The following PCDH19 variants were observed in gnomAD, a reference collection of about 807,000 sequenced individuals.
PCDH19 encodes protocadherin 19, also known as protocadherin-19.
In PCDH19, 6 loss-of-function variants were observed where a neutral mutation model predicts 46.2. That is an observed-to-expected ratio of 0.13 (90% CI 0.07 to 0.26). The LOEUF (loss-of-function observed/expected upper bound fraction) is 0.26. Ranked by LOEUF, PCDH19 falls within the 10% of genes least tolerant of loss-of-function variation. The pLI, the probability that PCDH19 is intolerant of heterozygous loss-of-function variation, is 1.00. For missense variants in PCDH19, 740 were observed against 972.3 expected, an observed-to-expected ratio of 0.76 and a Z score of 3.18; for synonymous variants, 481 against 415.7, an observed-to-expected ratio of 1.16 and a Z score of -1.91.
chrX:100,359,177 T>A (rs1926802826), intron 3 of PCDH19, among the ~76,000 whole-genome samples: 1 of 111,823 alleles, frequency 8.9e-6, no homozygotes, highest in Non-Finnish European at 1.9e-5. Flanking sequence ...GGAGCACCGT[T>A]TTTGGCATTT....
At chrX:100,349,630 A>G (rs923466699) in intron 4 of PCDH19, among the ~76,000 whole-genome samples, 2 of 112,433 alleles carry the variant, frequency 1.8e-5, no homozygotes, top group Admixed American at 1.9e-4. Context: ...ACAATTTGCA[A>G]GCCTTCTCTG....
chrX:100,406,861 G>C lies in PCDH19; in HGVS notation c.1737C>G (p.Arg579=). The part of the protein sequence containing the change: ...INGTAEVYIP[R]NSGIGYLVTV... ...TCACCAGGTAGCCTATGCCAGAGTT[G>C]CGGGGTATGTAGACCTCGGCAGTGC... Residue 579 remains arginine (R), a synonymous_variant, in exon 1 of 6, where the codon CGC becomes CGG. Coordinates refer to ENST00000373034, the MANE Select transcript of PCDH19 (RefSeq NM_001184880.2). The C allele has an allele frequency of 4.1e-6, 5 of 1,211,976 alleles. No homozygotes were observed. The highest frequency in any genetic ancestry group is 5.6e-6 in the Non-Finnish European group (5 of 895,582).
chrX:100,401,135 T>C (rs185938409), intron 3 of PCDH19, among the ~76,000 whole-genome samples: 35 of 112,044 alleles, frequency 3.1e-4, no homozygotes, highest in African/African-American at 9.7e-4. Context: ...AAGTATGCAG[T>C]ATTCTTTTCG....
intron 5 of PCDH19, among the ~76,000 whole-genome samples, chrX:100,335,760 A>G (rs1168740034): frequency 8.9e-6 from 1 of 111,973 alleles, no homozygotes; most frequent in African/African-American, 3.2e-5. Flanking sequence ...CCAGGCACAT[A>G]GTGGGCACTC....
chrX:100,336,643 T>C (rs1301357443), intron 5 of PCDH19, among the ~76,000 whole-genome samples: 1 of 112,329 alleles, frequency 8.9e-6, no homozygotes, highest in Non-Finnish European at 1.9e-5. Context: ...CATTTGGATA[T>C]GAAAAGCAGC....
At chrX:100,320,609 T>G (rs917631543) in intron 5 of PCDH19, among the ~76,000 whole-genome samples, 1 of 111,193 alleles carries the variant, frequency 9.0e-6, no homozygotes, top group African/African-American at 3.3e-5. Flanking sequence ...CTTGAATGAC[T>G]GGGCCTTAGC....
At chrX:100,344,579 A>G (rs901629934) in intron 4 of PCDH19, among the ~76,000 whole-genome samples, 18 of 107,684 alleles carry the variant, frequency 1.7e-4, no homozygotes, top group African/African-American at 6.1e-4. Flanking sequence ...TCCAACCTGT[A>G]TATTTTCTGG....
rs907066942 is a variant in PCDH19, at chrX:100,293,393, C to T, written c.*2884G>A. 9.1e-6 allele frequency: 1 copy of T among 109,850 alleles called. No homozygotes were observed. The highest frequency in any genetic ancestry group is 1.9e-5 in the Non-Finnish European group (1 of 52,829). The allele number at this position is 109,850 out of a possible 1,213,427, so 9.1% of individuals were successfully genotyped here. A position where few individuals can be genotyped will look rare whatever the true frequency, so the allele number is the denominator to read the frequency against. On this transcript the variant is annotated 3_prime_UTR_variant, in exon 6 of 6. Coordinates refer to ENST00000373034, the MANE Select transcript of PCDH19 (RefSeq NM_001184880.2). ...ATAGAACTCCCTAGGACTTAGGAAC[C>T]GAAATCACTCCCTTGAGTTTATGTG...
intron 4 of PCDH19, among the ~76,000 whole-genome samples, chrX:100,349,361 C>T (rs927248409): frequency 6.3e-5 from 7 of 111,204 alleles, no homozygotes; most frequent in African/African-American, 2.3e-4. Context: ...AAATGGATTC[C>T]TCCCAACCCC....
At chrX:100,354,303 T>C in intron 3 of PCDH19, among the ~76,000 whole-genome samples, 1 of 111,951 alleles carries the variant, frequency 8.9e-6, no homozygotes, top group Non-Finnish European at 1.9e-5. Context: ...ATGAATAGTT[T>C]GTATGTCTTA....
rs942270296 is a variant in PCDH19 at position 100,292,278 on chromosome X, T to G, written c.*3999A>C. On this transcript the variant is annotated 3_prime_UTR_variant, in exon 6 of 6. Coordinates refer to ENST00000373034, the MANE Select transcript of PCDH19 (RefSeq NM_001184880.2). Reference sequence around the variant, plus strand: ...CAGCAACTTTCAGTTAGTAACAAGGTCATCTTGAATTGCCAACACAGCTGG... The same window carrying G: ...CAGCAACTTTCAGTTAGTAACAAGGGCATCTTGAATTGCCAACACAGCTGG... 1.8e-5 allele frequency: 2 copies of G among 112,851 alleles called. No homozygotes were observed. The highest frequency in any genetic ancestry group is 3.8e-5 in the Non-Finnish European group (2 of 53,332). The allele number at this position is 112,851 out of a possible 1,213,427, so 9.3% of individuals were successfully genotyped here.
chrX:100,318,901 G>A (rs1187851407), intron 5 of PCDH19, among the ~76,000 whole-genome samples: 1 of 110,883 alleles, frequency 9.0e-6, no homozygotes, highest in Non-Finnish European at 1.9e-5. Flanking sequence ...GAGAATGTGA[G>A]AAATATTCTT....
At chrX:100,382,519 G>A (rs1186602619) in intron 3 of PCDH19, among the ~76,000 whole-genome samples, 5 of 111,754 alleles carry the variant, frequency 4.5e-5, no homozygotes, top group Non-Finnish European at 9.4e-5. Context: ...AAGAAGAAAA[G>A]GCAGTGGCCC....
At chrX:100,393,176 G>A (rs1278480578) in intron 3 of PCDH19, among the ~76,000 whole-genome samples, 1 of 110,554 alleles carries the variant, frequency 9.0e-6, no homozygotes, top group Non-Finnish European at 1.9e-5. Flanking sequence ...CAATTAAAAA[G>A]AGTCTCTGAG....
chrX:100,307,452 A>G (rs190031578), intron 5 of PCDH19, among the ~76,000 whole-genome samples: 2 of 111,913 alleles, frequency 1.8e-5, no homozygotes, highest in Admixed American at 1.9e-4. Flanking sequence ...CTGAATGGCG[A>G]AAAGTTGAAA....
At chrX:100,333,147 AAG>A (rs1925938678) in intron 5 of PCDH19, among the ~76,000 whole-genome samples, 1 of 49,973 alleles carries the variant, frequency 2.0e-5, no homozygotes, top group African/African-American at 6.3e-5. Context: ...GGAAGGAAGG[AAG>A]GAAGGAAGGA....
intron 5 of PCDH19, among the ~76,000 whole-genome samples, chrX:100,310,909 A>G: frequency 9.1e-6 from 1 of 109,958 alleles, no homozygotes; most frequent in Non-Finnish European, 1.9e-5. Context: ...GGAGTGCAAT[A>G]GTGCAATCAT....
chrX:100,307,070 AC>A (rs1924970462), intron 5 of PCDH19, among the ~76,000 whole-genome samples: 1 of 111,743 alleles, frequency 8.9e-6, no homozygotes, highest in South Asian at 3.7e-4. Flanking sequence ...TCATCCTAAT[AC>A]CAAAACCAGG....
At chrX:100,324,105 TA>T (rs1031163109) in intron 5 of PCDH19, among the ~76,000 whole-genome samples, 1 of 111,755 alleles carries the variant, frequency 8.9e-6, no homozygotes, top group African/African-American at 3.3e-5. Context: ...ACTTAAACTT[TA>T]AGAAAAATGG....
Sources: allele counts gnomAD v4.1 joint callset (sites outside exome capture counted in the v4.1 genomes callset), GRCh38; gene constraint gnomAD v4.1.1; transcripts MANE v1.5; gene names NCBI Gene and HGNC (gene_info 2026-07-23, HGNC 2026-07-21).